The following IQCB1 variants were observed in gnomAD, a reference collection of about 807,000 sequenced individuals.
The protein encoded by IQCB1 is IQ calmodulin-binding motif-containing protein 1.
IQCB1 carries 56 observed loss-of-function variants against 84.4 expected under a neutral mutation model. The observed-to-expected ratio is 0.66, with a 90% CI of 0.54 to 0.83. The LOEUF is 0.83. IQCB1 is among the 40% of genes least tolerant of loss of function. The pLI is 0.00. For missense variants in IQCB1, 629 were observed against 682.1 expected (o/e 0.92, Z 0.87); for synonymous variants, 210 against 234.8 (o/e 0.89, Z 0.96).
intron 4 of IQCB1, among the ~76,000 whole-genome samples, chr3:121,827,244 T>C (rs763526679): frequency 3.9e-5 from 6 of 152,008 alleles, no homozygotes; most frequent in Non-Finnish European, 8.8e-5. Flanking sequence ...AACCTCCACA[T>C]GTACCCCTGA....
intron 7 of IQCB1, among the ~76,000 whole-genome samples, chr3:121,805,743 T>G (rs1437090944): frequency 6.6e-6 from 1 of 152,150 alleles, no homozygotes; most frequent in African/African-American, 2.4e-5. Context: ...TTTTAATCCT[T>G]TTGGATTATT....
At chr3:121,790,281 T>A in intron 10 of IQCB1, 66 bp from the exon 11 acceptor site, 1 of 1,420,698 alleles carries the variant, frequency 7.0e-7, no homozygotes, top group Non-Finnish European at 9.9e-7. Context: ...ATAACCTCAC[T>A]AGTAATCAAA....
chr3:121,795,651 G>C (rs570904082), intron 9 of IQCB1, 85 bp from the exon 10 acceptor site: 1 of 774,148 alleles, frequency 1.3e-6, no homozygotes, highest in Non-Finnish European at 2.3e-6. Flanking sequence ...TATCAGGTTA[G>C]GGCAAATATT....
intron 5 of IQCB1, among the ~76,000 whole-genome samples, chr3:121,811,916 C>T (rs1949846396): frequency 2.0e-5 from 3 of 152,312 alleles, no homozygotes; most frequent in South Asian, 4.1e-4. Context: ...AGTTGATATA[C>T]TGAATTTGAA....
intron 9 of IQCB1, among the ~76,000 whole-genome samples, chr3:121,795,791 A>G (rs2108562386): frequency 6.6e-6 from 1 of 152,310 alleles, no homozygotes; most frequent in Non-Finnish European, 1.5e-5. Flanking sequence ...TTCTCCCAGA[A>G]TAATCTCACT....
chr3:121,788,526 T>G, intron 11 of IQCB1, 94 bp from the exon 12 acceptor site: 1 of 686,660 alleles, frequency 1.5e-6, no homozygotes, highest in East Asian at 2.8e-5. Flanking sequence ...CTTGCATTCT[T>G]TTTATTTTTG....
intron 12 of IQCB1, among the ~76,000 whole-genome samples, chr3:121,786,904 C>T (rs1413286155): frequency 6.6e-6 from 1 of 152,098 alleles, no homozygotes; most frequent in African/African-American, 2.4e-5. Flanking sequence ...ATTTCTATGA[C>T]AGGGAAGACT....
At chr3:121,805,393 G>A (rs1949567180) in intron 7 of IQCB1, among the ~76,000 whole-genome samples, 1 of 152,126 alleles carries the variant, frequency 6.6e-6, no homozygotes. Context: ...TTCTATGATG[G>A]CACAAGTGGG....
intron 2 of IQCB1, among the ~76,000 whole-genome samples, chr3:121,830,930 T>C (rs1950615796): frequency 6.6e-6 from 1 of 152,180 alleles, no homozygotes; most frequent in African/African-American, 2.4e-5. Flanking sequence ...CCCCACTCAG[T>C]CTGTTAGTAT....
chr3:121,773,776 A>C (rs1207823499), intron 13 of IQCB1, among the ~76,000 whole-genome samples: 1 of 152,182 alleles, frequency 6.6e-6, no homozygotes, highest in Non-Finnish European at 1.5e-5. Flanking sequence ...TCAAAGACCT[A>C]AACATAAGAG....
chr3:121,774,919 C>G (rs939505271), intron 13 of IQCB1, among the ~76,000 whole-genome samples: 1 of 151,880 alleles, frequency 6.6e-6, no homozygotes, highest in Non-Finnish European at 1.5e-5. Flanking sequence ...ATTTTACCAC[C>G]CTGAAAATAA....
chr3:121,826,068 A>C lies in IQCB1; in HGVS notation c.376T>G (p.Phe126Val), dbSNP rs1950455811. Reference protein sequence around the residue: ...LVLGRQLQTCFINAAKAEEKD... With the variant: ...LVLGRQLQTCVINAAKAEEKD... ...ACACATACCTTAGCTGCATTGATAA[A>C]ACATGTTTGTAATTGTCTCCCCAAA... Residue 126 changes from phenylalanine (F) to valine (V), a missense_variant, in exon 5 of 15, where the codon TTT becomes GTT. Physicochemically the swap from Phe to Val is conservative, Grantham distance 50. Coordinates refer to ENST00000310864, the MANE Select transcript of IQCB1 (RefSeq NM_001023570.4). 6.2e-7 allele frequency: 1 copy of C among 1,613,186 alleles called. No individual in the cohort carries two copies. The highest frequency in any genetic ancestry group is 1.7e-5 in the Admixed American group (1 of 60,012).
intron 5 of IQCB1, among the ~76,000 whole-genome samples, chr3:121,812,200 C>CT (rs1949856422): frequency 6.6e-6 from 1 of 152,194 alleles, no homozygotes; most frequent in Non-Finnish European, 1.5e-5. Flanking sequence ...AGAAGGAAAA[C>CT]TAACAAACAG....
In IQCB1 at chr3:121,808,998, T is replaced by C. The variant is rs1331412273; in HGVS notation, c.405A>G (p.Lys135=). The C allele has an allele frequency of 6.2e-7, 1 of 1,601,114 alleles. No individual in the cohort carries two copies. Among genetic ancestry groups the C allele is most frequent in the Admixed American group, 1.7e-5 (1 of 59,848 alleles). Residue 135 remains lysine (K), a synonymous_variant, in exon 6 of 15, where the codon AAA becomes AAG. Transcript: ENST00000310864. Reference sequence around the variant, plus strand: ...TTTGGAAAAAGTGTAGTAATTCATCTTTTTCTTCAGCCTTAACATAAAAGA... The same window carrying C: ...TTTGGAAAAAGTGTAGTAATTCATCCTTTTCTTCAGCCTTAACATAAAAGA... ...CFINAAKAEE[K]DELLHFFQIV...
chr3:121,807,112 T>C (rs1949623379), intron 7 of IQCB1, among the ~76,000 whole-genome samples: 2 of 151,930 alleles, frequency 1.3e-5, no homozygotes, highest in South Asian at 2.1e-4. Context: ...TTCCAGTCTT[T>C]TGTAGTATTT....
At chr3:121,793,194 G>T (rs1408980380) in intron 10 of IQCB1, among the ~76,000 whole-genome samples, 2 of 152,232 alleles carry the variant, frequency 1.3e-5, no homozygotes, top group African/African-American at 4.8e-5. Flanking sequence ...TAGGTAAATT[G>T]TGAGGTTTCT....
chr3:121,834,773 T>C (rs1559811156), intron 1 of IQCB1, among the ~76,000 whole-genome samples, 193 bp downstream of exon 1: 1 of 152,190 alleles, frequency 6.6e-6, no homozygotes, highest in Non-Finnish European at 1.5e-5. Flanking sequence ...CTAGGCCCTG[T>C]GCCTGGACAC....
rs749229535 is a variant in IQCB1, at chr3:121,772,644, A to T, written c.1480T>A (p.Phe494Ile). The change falls in exon 14 of 15, where the codon TTT becomes ATT. Residue 494 changes from phenylalanine (F) to isoleucine (I), a missense_variant. Phe to Ile is a conservative substitution (Grantham distance 21). Transcript: ENST00000310864. ...CGCTCTTCTAGGGCCCTGCCCATAA[A>T]GTAGTGTTGCAGTCGTTCTTGAGCT... ...AQAQERLQHY[F>I]MGRALEERAQ... 6.8e-6 allele frequency: 11 copies of T among 1,614,086 alleles called. No homozygotes were observed. The highest frequency in any genetic ancestry group is 9.3e-6 in the Non-Finnish European group (11 of 1,180,050).
At chr3:121,809,108 T>A in intron 5 of IQCB1, 99 bp from the exon 6 acceptor site, 1 of 704,850 alleles carries the variant, frequency 1.4e-6, no homozygotes, top group Admixed American at 2.7e-5. Context: ...GGATACAGTT[T>A]CTGGATCTAA....
Sources: gnomAD v4.1 joint callset for allele counts (sites outside exome capture counted in the v4.1 genomes callset) on GRCh38, gnomAD v4.1.1 for gene constraint, MANE v1.5 for transcripts, NCBI Gene and HGNC (gene_info 2026-07-23, HGNC 2026-07-21) for gene names.